Variants in ARHGEF18 observed in about 807,000 individuals in gnomAD.
ARHGEF18 encodes rho guanine nucleotide exchange factor 18.
A neutral mutation model predicts 155.7 loss-of-function variants in ARHGEF18; 93 were observed. The observed-to-expected ratio is 0.60, with a 90% CI of 0.50 to 0.71. ARHGEF18 has a LOEUF of 0.71. ARHGEF18 is among the 30% of genes least tolerant of loss of function. The pLI is 0.00. For synonymous variants in ARHGEF18, 742 were observed against 753.1 expected, an observed-to-expected ratio of 0.99 and a Z score of 0.24; for missense variants, 1,593 against 1,816.1, an observed-to-expected ratio of 0.88 and a Z score of 2.23.
intron 10 of ARHGEF18, among the ~76,000 whole-genome samples, chr19:7,388,901 AT>A (rs1971233386): frequency 6.6e-6 from 1 of 151,998 alleles, no homozygotes; most frequent in South Asian, 2.1e-4. Context: ...TTTTTAAAAA[AT>A]ATACTTTTAA....
chr19:7,434,763 C>T (rs1974161281), intron 10 of ARHGEF18, among the ~76,000 whole-genome samples: 1 of 152,226 alleles, frequency 6.6e-6, no homozygotes, highest in African/African-American at 2.4e-5. Context: ...CAGAAAGAAG[C>T]CTGTCCATCA....
At chr19:7,460,282 C>A (rs899968554) in intron 20 of ARHGEF18, among the ~76,000 whole-genome samples, 3 of 152,066 alleles carry the variant, frequency 2.0e-5, no homozygotes, top group Non-Finnish European at 4.4e-5. Flanking sequence ...CACCACCACC[C>A]CATCCTCGTG....
At chr19:7,397,998 G>A (rs905457186) in intron 10 of ARHGEF18, among the ~76,000 whole-genome samples, 8 of 152,316 alleles carry the variant, frequency 5.3e-5, no homozygotes, top group South Asian at 2.1e-4. Context: ...AGAGCTATGC[G>A]AAGTGCTGCA....
intron 1 of ARHGEF18, among the ~76,000 whole-genome samples, chr19:7,353,590 CA>C (rs61068862): frequency 0.028 from 2,922 of 103,916 alleles, 69 homozygotes; most frequent in African/African-American, 0.089. Context: ...AACTCCATCT[CA>C]AAAAAAAAAA....
intron 20 of ARHGEF18, among the ~76,000 whole-genome samples, chr19:7,460,522 A>T (rs1299968885): frequency 6.6e-6 from 1 of 152,052 alleles, no homozygotes; most frequent in Non-Finnish European, 1.5e-5. Context: ...CCCAGAAAGA[A>T]GCCCCGTCCC....
chr19:7,401,898 T>C (rs747173432), intron 10 of ARHGEF18, among the ~76,000 whole-genome samples: 4 of 152,146 alleles, frequency 2.6e-5, no homozygotes, highest in Non-Finnish European at 5.9e-5. Flanking sequence ...TACTTGGCCA[T>C]GAAAAAGAAG....
Position 7,366,944 on chromosome 19 carries a change from T to A in ARHGEF18, c.15+4039T>A, listed in dbSNP as rs111248319. 5.5e-3 allele frequency among the ~76,000 whole-genome samples: 831 copies of A among 151,532 alleles called. 8 individuals carry two copies. Among genetic ancestry groups the A allele is most frequent in the African/African-American group, 0.018 (741 of 41,330 alleles). On this transcript the variant is annotated intron_variant, in intron 2 of 28. Transcript: ENST00000668164. The stretch of plus-strand genomic sequence containing the variant: ...CATCCGGCTAGTTGTTTTTTTTTTT[T>A]AAAGATGGGATTTCGCTATGCTGCC...
At position 7,440,490 on chromosome 19, in the gene ARHGEF18, A is replaced by G; in HGVS notation, c.1106+8A>G. On this transcript the variant is annotated splice_region_variant and intron_variant, in intron 11 of 28. Coordinates refer to ENST00000668164, the MANE Select transcript of ARHGEF18 (RefSeq NM_001367823.1). The surrounding 1 kb of genome is among the most constrained non-coding windows in gnomAD (Gnocchi z 5.4). ...CCCTGGGACGCAACTCGGGTAAGCC[A>G]GGGTCCCCTCTGTGCCCTCGGGTGG... The G allele has an allele frequency of 6.3e-7, 1 of 1,593,982 alleles. No individual in the cohort carries two copies. Among genetic ancestry groups the G allele is most frequent in the Non-Finnish European group, 8.5e-7 (1 of 1,176,672 alleles).
chr19:7,355,564 C>A, intron 1 of ARHGEF18: 1 of 960,504 alleles, frequency 1.0e-6, no homozygotes. Context: ...TACTGGCAGC[C>A]CCATCCTGGC....
intron 10 of ARHGEF18, among the ~76,000 whole-genome samples, chr19:7,401,899 G>GA (rs1297164501): frequency 3.3e-5 from 5 of 152,170 alleles, no homozygotes; most frequent in Non-Finnish European, 7.3e-5. Context: ...ACTTGGCCAT[G>GA]AAAAAGAAGT....
At chr19:7,401,861 A>C (rs532327072) in intron 10 of ARHGEF18, among the ~76,000 whole-genome samples, 142 of 152,242 alleles carry the variant, frequency 9.3e-4, no homozygotes, top group South Asian at 1.4e-3. Context: ...GATACATAAA[A>C]TGTGGTCCCG....
At chr19:7,477,033 C>T (rs115332172), downstream of ARHGEF18, 1,644 of 524,590 alleles carry the variant, frequency 3.1e-3, 15 homozygotes, top group African/African-American at 0.027. Context: ...GGCTCAGGAG[C>T]TCCAGGCTGA....
downstream of ARHGEF18, among the ~76,000 whole-genome samples, chr19:7,473,774 C>A (rs564768822): frequency 7.2e-6 from 1 of 138,636 alleles, no homozygotes; most frequent in African/African-American, 2.7e-5. Flanking sequence ...TGCGCCACTG[C>A]ACTCAGCCTA....
chr19:7,458,446 G>T, intron 18 of ARHGEF18, 66 bp from the exon 19 acceptor site: 1 of 1,508,942 alleles, frequency 6.6e-7, no homozygotes, highest in Non-Finnish European at 9.1e-7. Flanking sequence ...CCAGGCCCTT[G>T]ACCTCCCTGC....
At chr19:7,359,245 G>C (rs1280308091) in intron 1 of ARHGEF18, among the ~76,000 whole-genome samples, 3 of 152,098 alleles carry the variant, frequency 2.0e-5, no homozygotes, top group Admixed American at 1.3e-4. Flanking sequence ...ATATCAAAAG[G>C]ACACACCAAC....
Position 7,472,009 on chromosome 19 carries a change from C to T in ARHGEF18, c.*1711C>T, listed in dbSNP as rs1054077319. ...TTGTACTGAGTATCGGAGCACTTTA[C>T]AGAAGCTGACTGTACATTCCTGTTC... On this transcript the variant is annotated 3_prime_UTR_variant, in exon 29 of 29. Transcript: ENST00000668164. 2.6e-5 allele frequency: 4 copies of T among 151,866 alleles called. No homozygotes were observed. Among genetic ancestry groups the T allele is most frequent in the African/African-American group, 9.7e-5 (4 of 41,146 alleles). 9.4% of individuals were successfully genotyped at this position (151,866 alleles called of 1,614,324 possible). A position where few individuals can be genotyped will look rare whatever the true frequency, so the allele number is the denominator to read the frequency against.
At chr19:7,374,199 C>T (rs756604007) in intron 3 of ARHGEF18, among the ~76,000 whole-genome samples, 7 of 152,090 alleles carry the variant, frequency 4.6e-5, no homozygotes, top group African/African-American at 1.4e-4. Flanking sequence ...CTTTGCAGCC[C>T]GGATTCTAAA....
intron 10 of ARHGEF18, among the ~76,000 whole-genome samples, chr19:7,431,510 C>CAAAAAAAAAAAAAAAAA (rs34609858): frequency 4.1e-4 from 21 of 51,292 alleles, no homozygotes; most frequent in African/African-American, 8.7e-4. Flanking sequence ...GACTCCATCT[C>CAAAAAAAAAAAAAAAAA]AAAAAAAAAA....
chr19:7,426,369 C>T (rs149892102), intron 10 of ARHGEF18, among the ~76,000 whole-genome samples: 1,606 of 151,792 alleles, frequency 0.011, 39 homozygotes, highest in African/African-American at 0.036. Context: ...TGCCTGTCGT[C>T]CCGGCTACTC....
Sources: allele counts gnomAD v4.1 joint callset (sites outside exome capture counted in the v4.1 genomes callset), GRCh38; gene constraint gnomAD v4.1.1; non-coding constraint Gnocchi (gnomAD v3.1); transcripts MANE v1.5; gene names NCBI Gene and HGNC (gene_info 2026-07-23, HGNC 2026-07-21).